The following SPIDR variants were observed in gnomAD, a reference collection of about 807,000 sequenced individuals.
SPIDR encodes DNA repair-scaffolding protein.
SPIDR carries 93 observed loss-of-function variants against 104.6 expected under a neutral mutation model. The observed-to-expected ratio is 0.89, with a 90% CI of 0.75 to 1.06. The LOEUF (loss-of-function observed/expected upper bound fraction) is 1.06. Among genes scored for constraint, SPIDR ranks in the 50% least tolerant of loss-of-function variants. The pLI is 0.00. For synonymous variants in SPIDR, 431 were observed against 416.9 expected (o/e 1.03, Z -0.41); for missense variants, 1,154 against 1,111.2 (o/e 1.04, Z -0.55).
At chr8:47,544,251 A>C (rs2088824952) in intron 8 of SPIDR, among the ~76,000 whole-genome samples, 1 of 151,908 alleles carries the variant, frequency 6.6e-6, no homozygotes, top group South Asian at 2.1e-4. Flanking sequence ...ATTGTTTGCT[A>C]TTTTATTGTG....
chr8:47,447,372 C>T (rs562321751), intron 8 of SPIDR, among the ~76,000 whole-genome samples: 9 of 152,226 alleles, frequency 5.9e-5, no homozygotes, highest in South Asian at 2.1e-4. Context: ...TGCCACCACA[C>T]ACGGCTAATT....
intron 10 of SPIDR, among the ~76,000 whole-genome samples, chr8:47,643,160 A>C (rs923750385): frequency 1.3e-5 from 2 of 152,160 alleles, no homozygotes; most frequent in African/African-American, 4.8e-5. Context: ...TAAAACATGA[A>C]TAATACTTAC....
chr8:47,595,531 T>A (rs1216014680), intron 8 of SPIDR, among the ~76,000 whole-genome samples: 1 of 152,194 alleles, frequency 6.6e-6, no homozygotes, highest in Admixed American at 6.5e-5. Flanking sequence ...TATTTCCCCC[T>A]GAGGGGTCTT....
chr8:47,599,009 C>G lies in SPIDR; in HGVS notation c.1357C>G (p.Gln453Glu), dbSNP rs1334634788. 2 of 1,613,486 alleles carry G rather than the reference C, an allele frequency of 1.2e-6. No homozygotes were observed. The highest frequency in any genetic ancestry group is 1.3e-5 in the African/African-American group (1 of 74,920). ...AWTHGHKEAK[Q>E]RIPTSTPLRD... ...GACCCATGGGCACAAAGAAGCAAAA[C>G]AGCGCATCCCAACCAGCACTCCCCT... Residue 453 changes from glutamine (Q) to glutamate (E), a missense_variant, in exon 10 of 20, where the codon CAG becomes GAG. Coordinates refer to ENST00000297423, the MANE Select transcript of SPIDR (RefSeq NM_001080394.4).
At chr8:47,293,814 A>G (rs2040367602) in intron 4 of SPIDR, 53 bp from the exon 5 acceptor site, 1 of 1,515,122 alleles carries the variant, frequency 6.6e-7, no homozygotes. Context: ...AAAGAGATAT[A>G]AAAGTGAAAG....
At chr8:47,357,098 T>A (rs1197807470) in intron 5 of SPIDR, among the ~76,000 whole-genome samples, 1 of 152,206 alleles carries the variant, frequency 6.6e-6, no homozygotes, top group Non-Finnish European at 1.5e-5. Context: ...GTTCTACTAG[T>A]CAGTTTAAGT....
intron 7 of SPIDR, among the ~76,000 whole-genome samples, chr8:47,409,889 G>C (rs1369610047): frequency 6.6e-6 from 1 of 152,068 alleles, no homozygotes; most frequent in Admixed American, 6.6e-5. Flanking sequence ...TTAACTGTAC[G>C]TGGTGGCACA....
intron 5 of SPIDR, among the ~76,000 whole-genome samples, chr8:47,303,683 A>G (rs907129599): frequency 4.8e-4 from 73 of 152,218 alleles, no homozygotes; most frequent in Non-Finnish European, 7.5e-4. Flanking sequence ...ATGTTGAACC[A>G]TCTTTGCATC....
chr8:47,523,302 C>T (rs939133843), intron 8 of SPIDR, among the ~76,000 whole-genome samples: 1 of 152,126 alleles, frequency 6.6e-6, no homozygotes, highest in African/African-American at 2.4e-5. Flanking sequence ...ACTAGATCAA[C>T]AAGATAAGGA....
chr8:47,388,914 A>G (rs1300998442), intron 5 of SPIDR, among the ~76,000 whole-genome samples: 1 of 152,242 alleles, frequency 6.6e-6, no homozygotes, highest in Non-Finnish European at 1.5e-5. Flanking sequence ...GTATATTGCA[A>G]TGGAAATAGG....
Position 47,321,574 on chromosome 8 carries a change from C to T in SPIDR, c.525+27544C>T, listed in dbSNP as rs145294884. Among the ~76,000 whole-genome samples, 126 of 152,222 alleles carry T rather than the reference C, an allele frequency of 8.3e-4. 3 individuals are homozygous for T. In the East Asian group the frequency reaches 0.022, roughly 27 times the overall value. ...CCATCAAGCTACCAATGACTTTCTG[C>T]ACAGAATTGGAAAAAACTACTTTAA... On this transcript the variant is annotated intron_variant, in intron 5 of 19. Coordinates refer to ENST00000297423, the MANE Select transcript of SPIDR (RefSeq NM_001080394.4).
chr8:47,676,267 A>C (rs1194840863), intron 11 of SPIDR, among the ~76,000 whole-genome samples: 1 of 152,178 alleles, frequency 6.6e-6, no homozygotes, highest in Admixed American at 6.5e-5. Context: ...TTACTGATAA[A>C]CTTTTGAACC....
At chr8:47,600,693 CA>C (rs1271343240) in intron 10 of SPIDR, among the ~76,000 whole-genome samples, 3 of 152,174 alleles carry the variant, frequency 2.0e-5, no homozygotes, top group African/African-American at 7.2e-5. Context: ...GACAGTTACA[CA>C]TCAGACATAG....
chr8:47,331,716 A>C (rs2048697019), intron 5 of SPIDR, among the ~76,000 whole-genome samples: 2 of 152,106 alleles, frequency 1.3e-5, no homozygotes, highest in Non-Finnish European at 2.9e-5. Flanking sequence ...CTTCAATAAT[A>C]AATTAATCTT....
intron 7 of SPIDR, among the ~76,000 whole-genome samples, chr8:47,425,246 T>C (rs994868413): frequency 6.6e-6 from 1 of 152,130 alleles, no homozygotes; most frequent in Non-Finnish European, 1.5e-5. Flanking sequence ...GGTACCAAGC[T>C]GGCAGGTCAC....
intron 5 of SPIDR, among the ~76,000 whole-genome samples, chr8:47,328,403 A>C (rs1290032873): frequency 6.6e-6 from 1 of 150,902 alleles, no homozygotes; most frequent in African/African-American, 2.4e-5. Flanking sequence ...AGACTTCACC[A>C]AGACTGGCTA....
At chr8:47,500,579 C>G (rs1272486979) in intron 8 of SPIDR, among the ~76,000 whole-genome samples, 5 of 152,120 alleles carry the variant, frequency 3.3e-5, no homozygotes, top group Non-Finnish European at 7.3e-5. Flanking sequence ...AAAATGTTCT[C>G]TCATTCTTAG....
intron 10 of SPIDR, among the ~76,000 whole-genome samples, chr8:47,659,306 A>C (rs1388062492): frequency 6.6e-6 from 1 of 152,142 alleles, no homozygotes; most frequent in Non-Finnish European, 1.5e-5. Flanking sequence ...TTTGGTTGTC[A>C]CTTTTAGCAA....
chr8:47,470,390 G>T (rs572197308), intron 8 of SPIDR, among the ~76,000 whole-genome samples: 14 of 152,038 alleles, frequency 9.2e-5, no homozygotes, highest in Non-Finnish European at 1.8e-4. Context: ...CCAGATTTAA[G>T]CAATTCTCCT....
Sources: gnomAD v4.1 joint callset for allele counts (sites outside exome capture counted in the v4.1 genomes callset) on GRCh38, gnomAD v4.1.1 for gene constraint, MANE v1.5 for transcripts, NCBI Gene and HGNC (gene_info 2026-07-23, HGNC 2026-07-21) for gene names.